Variants in EXOC6B observed in about 807,000 individuals in gnomAD.
EXOC6B encodes the protein SEC15 homolog B.
A neutral mutation model predicts 113.5 loss-of-function variants in EXOC6B; 54 were observed. The observed-to-expected ratio is 0.48, with a 90% confidence interval of 0.38 to 0.60. EXOC6B has a LOEUF of 0.60. Ranked by LOEUF, EXOC6B falls within the 20% of genes least tolerant of loss-of-function variation. The pLI is 0.00. For missense variants in EXOC6B, 797 were observed against 977.5 expected, an observed-to-expected ratio of 0.82 and a Z score of 2.46; for synonymous variants, 357 against 339.0, an observed-to-expected ratio of 1.05 and a Z score of -0.58.
chr2:72,673,693 T>C (rs1676074287), intron 6 of EXOC6B, among the ~76,000 whole-genome samples: 2 of 151,650 alleles, frequency 1.3e-5, no homozygotes, highest in Admixed American at 1.3e-4. Context: ...AATTCCTTTC[T>C]TTTACCTTAC....
At chr2:72,632,057 A>T (rs893158165) in intron 6 of EXOC6B, among the ~76,000 whole-genome samples, 5 of 152,200 alleles carry the variant, frequency 3.3e-5, no homozygotes, top group Non-Finnish European at 5.9e-5. Context: ...AAAAGTCAGA[A>T]AGATGAATAG....
At chr2:72,277,713 T>C (rs902447308) in intron 20 of EXOC6B, among the ~76,000 whole-genome samples, 5 of 152,024 alleles carry the variant, frequency 3.3e-5, no homozygotes, top group African/African-American at 4.8e-5. Context: ...AGGCTGGTCT[T>C]GAACTCCTGA....
intron 8 of EXOC6B, among the ~76,000 whole-genome samples, chr2:72,532,935 C>T (rs1702090857): frequency 6.6e-6 from 1 of 152,186 alleles, no homozygotes; most frequent in African/African-American, 2.4e-5. Context: ...GGGATGACTT[C>T]AGGCATCAGA....
intron 1 of EXOC6B, among the ~76,000 whole-genome samples, chr2:72,802,141 G>A (rs1685313846): frequency 6.6e-6 from 1 of 152,034 alleles, no homozygotes; most frequent in Non-Finnish European, 1.5e-5. Flanking sequence ...TGACCAACAT[G>A]GTGAAACCCC....
chr2:72,337,579 CA>C (rs1688763986), intron 19 of EXOC6B, among the ~76,000 whole-genome samples: 2 of 152,096 alleles, frequency 1.3e-5, no homozygotes, highest in Admixed American at 6.6e-5. Context: ...TTTTCGGAGT[CA>C]CTTTATGGAC....
chr2:72,783,410 C>T (rs1292648256), intron 1 of EXOC6B, among the ~76,000 whole-genome samples: 1 of 149,708 alleles, frequency 6.7e-6, no homozygotes, highest in African/African-American at 2.5e-5. Flanking sequence ...CTGCAACCTC[C>T]GCCTCCCGAG....
intron 8 of EXOC6B, among the ~76,000 whole-genome samples, chr2:72,534,566 C>G (rs1035049789): frequency 5.3e-5 from 8 of 152,026 alleles, no homozygotes; most frequent in African/African-American, 1.9e-4. Flanking sequence ...GTAGAAGAGG[C>G]AACTTTACGT....
At chr2:72,409,563 T>G (rs1382189326) in intron 18 of EXOC6B, among the ~76,000 whole-genome samples, 3 of 152,182 alleles carry the variant, frequency 2.0e-5, no homozygotes, top group Non-Finnish European at 4.4e-5. Context: ...TCATGTCCTT[T>G]GTAGGGACAT....
chr2:72,180,487 G>A (rs528996294), intron 21 of EXOC6B, among the ~76,000 whole-genome samples: 1 of 152,354 alleles, frequency 6.6e-6, no homozygotes, highest in South Asian at 2.1e-4. Context: ...CCCACAGCTA[G>A]TTCCAGTGTT....
At chr2:72,775,361 G>A (rs1041897495) in intron 1 of EXOC6B, among the ~76,000 whole-genome samples, 1 of 152,124 alleles carries the variant, frequency 6.6e-6, no homozygotes, top group African/African-American at 2.4e-5. Flanking sequence ...CATAAACTCA[G>A]GTATGGTTGA....
intron 7 of EXOC6B, among the ~76,000 whole-genome samples, chr2:72,565,752 T>C (rs928244186): frequency 1.3e-5 from 2 of 152,180 alleles, no homozygotes; most frequent in Admixed American, 6.5e-5. Flanking sequence ...ATATGTTTCT[T>C]ATCTATGAGA....
rs182620530 is a variant in EXOC6B, at chr2:72,526,732, T to C, written c.916-11606A>G. Among the ~76,000 whole-genome samples, 772 of 152,014 alleles carry C rather than the reference T, an allele frequency of 5.1e-3. 14 individuals carry two copies. The highest frequency in any genetic ancestry group is 0.017 in the African/African-American group (715 of 41,512). Reference sequence around the variant, plus strand: ...ACAGAATATGTAAAAACAGAGAAAGTGGATAAATATTAGATCTATATCTGG... The same window carrying C: ...ACAGAATATGTAAAAACAGAGAAAGCGGATAAATATTAGATCTATATCTGG... On this transcript the variant is annotated intron_variant, in intron 8 of 21. Coordinates refer to ENST00000272427, the MANE Select transcript of EXOC6B (RefSeq NM_015189.3).
chr2:72,695,570 A>G (rs992733131), intron 6 of EXOC6B, among the ~76,000 whole-genome samples: 5 of 152,192 alleles, frequency 3.3e-5, no homozygotes, highest in African/African-American at 1.2e-4. Context: ...AAGTGTCTCC[A>G]TAAGTATCCA....
intron 20 of EXOC6B, among the ~76,000 whole-genome samples, chr2:72,279,200 G>T (rs1684978051): frequency 1.3e-5 from 2 of 152,168 alleles, no homozygotes; most frequent in Admixed American, 1.3e-4. Flanking sequence ...ATTTGAATCA[G>T]GGCTAACCTG....
chr2:72,611,912 G>A (rs755426484), intron 6 of EXOC6B, among the ~76,000 whole-genome samples: 12 of 152,014 alleles, frequency 7.9e-5, no homozygotes, highest in African/African-American at 1.9e-4. Context: ...CTTATAAAAC[G>A]TACATACACA....
intron 19 of EXOC6B, among the ~76,000 whole-genome samples, chr2:72,339,440 C>G (rs1688899276): frequency 6.6e-6 from 1 of 152,138 alleles, no homozygotes; most frequent in South Asian, 2.1e-4. Flanking sequence ...AAGGTACTTG[C>G]TCCACTCAAT....
intron 20 of EXOC6B, among the ~76,000 whole-genome samples, chr2:72,228,005 G>C (rs989684264): frequency 1.3e-5 from 2 of 152,164 alleles, no homozygotes. Flanking sequence ...AGGAATTTGG[G>C]GGAAGGTATG....
chr2:72,513,851 A>G (rs2105676360), intron 10 of EXOC6B, among the ~76,000 whole-genome samples: 1 of 152,200 alleles, frequency 6.6e-6, no homozygotes, highest in South Asian at 2.1e-4. Context: ...TCTTGCCTAA[A>G]TATTCATATT....
chr2:72,603,038 A>G (rs1670524046), intron 6 of EXOC6B, among the ~76,000 whole-genome samples: 1 of 151,688 alleles, frequency 6.6e-6, no homozygotes, highest in African/African-American at 2.4e-5. Flanking sequence ...GGAGGGAAAG[A>G]AAATAGTCAG....
Sources: allele counts gnomAD v4.1 joint callset (sites outside exome capture counted in the v4.1 genomes callset), GRCh38; gene constraint gnomAD v4.1.1; transcripts MANE v1.5; gene names NCBI Gene and HGNC (gene_info 2026-07-23, HGNC 2026-07-21).